Variants in LINGO2 observed in about 807,000 individuals in gnomAD.
LINGO2 encodes the protein leucine-rich repeat and immunoglobulin-like domain-containing nogo receptor-interacting protein 2.
LINGO2 carries 14 observed loss-of-function variants against 30.6 expected under a neutral mutation model. The observed-to-expected ratio is 0.46, with a 90% CI of 0.30 to 0.72. LINGO2 has a LOEUF of 0.72. Ranked by LOEUF, LINGO2 falls within the 30% of genes least tolerant of loss-of-function variation. LINGO2 has a pLI of 0.07. For missense variants in LINGO2, 729 were observed against 751.7 expected (o/e 0.97, Z 0.35); for synonymous variants, 317 against 288.5 (o/e 1.10, Z -1.00).
intron 1 of LINGO2, among the ~76,000 whole-genome samples, chr9:28,541,196 G>T (rs1171907099): frequency 2.0e-5 from 3 of 152,002 alleles, no homozygotes. Context: ...TTCATTCTAT[G>T]TTTAAGATAA....
At chr9:28,039,335 T>C (rs965850403) in intron 4 of LINGO2, among the ~76,000 whole-genome samples, 1 of 152,198 alleles carries the variant, frequency 6.6e-6, no homozygotes, top group Middle Eastern at 3.2e-3. Flanking sequence ...GTTCTATATA[T>C]AAACTAAGTG....
At chr9:28,078,027 T>C (rs1825675739) in intron 4 of LINGO2, among the ~76,000 whole-genome samples, 1 of 149,388 alleles carries the variant, frequency 6.7e-6, no homozygotes, top group African/African-American at 2.6e-5. Flanking sequence ...ACATATCTTT[T>C]TTTGTAAAAC....
At chr9:28,683,286 G>A in the LINGO2 span, among the ~76,000 whole-genome samples, 18 of 152,162 alleles carry the variant, frequency 1.2e-4, no homozygotes, top group Middle Eastern at 6.8e-3. Flanking sequence ...AAGCAAGATA[G>A]ATGAGCCGAA....
At chr9:28,939,306 C>A in the LINGO2 span, among the ~76,000 whole-genome samples, 2 of 152,288 alleles carry the variant, frequency 1.3e-5, no homozygotes, top group Admixed American at 6.5e-5. Flanking sequence ...AGGTTGGAAT[C>A]ATTGCTCACT....
At chr9:28,103,523 GGCCTACTT>G (rs1477351527) in intron 4 of LINGO2, among the ~76,000 whole-genome samples, 20 of 152,094 alleles carry the variant, frequency 1.3e-4, no homozygotes. Flanking sequence ...AAAGACACAT[GGCCTACTT>G]GCCCTCATTG....
At chr9:28,757,028 T>C in the LINGO2 span, among the ~76,000 whole-genome samples, 3 of 152,006 alleles carry the variant, frequency 2.0e-5, no homozygotes, top group Non-Finnish European at 4.4e-5. Flanking sequence ...CAGTGATTAT[T>C]AGTAGGATAT....
the LINGO2 span, among the ~76,000 whole-genome samples, chr9:29,007,107 T>G: frequency 2.0e-5 from 3 of 152,142 alleles, no homozygotes; most frequent in Admixed American, 6.6e-5. Flanking sequence ...CATGAAAACA[T>G]TTCCAGCCAC....
the LINGO2 span, among the ~76,000 whole-genome samples, chr9:28,744,729 T>C: frequency 6.6e-6 from 1 of 150,640 alleles, no homozygotes; most frequent in Non-Finnish European, 1.5e-5. Flanking sequence ...CTCTGCCTCC[T>C]GGATTCAAGA....
chr9:28,135,352 A>T (rs1394005016), intron 4 of LINGO2, among the ~76,000 whole-genome samples: 1 of 152,172 alleles, frequency 6.6e-6, no homozygotes, highest in Admixed American at 6.5e-5. Context: ...AGAGAAGAGA[A>T]AATAAAATGA....
the LINGO2 span, among the ~76,000 whole-genome samples, chr9:29,200,379 T>C: frequency 0.063 from 9,629 of 152,142 alleles, 356 homozygotes; most frequent in Admixed American, 0.087. Context: ...ATTAAATCAG[T>C]AACTATTCAA....
At chr9:28,582,961 T>C (rs918766041) in intron 1 of LINGO2, among the ~76,000 whole-genome samples, 11 of 152,010 alleles carry the variant, frequency 7.2e-5, no homozygotes, top group Non-Finnish European at 1.3e-4. Context: ...AATTTGTGTA[T>C]ATGTGTATAC....
intron 1 of LINGO2, among the ~76,000 whole-genome samples, chr9:28,641,855 C>CA (rs1208396235): frequency 1.3e-5 from 2 of 152,210 alleles, no homozygotes; most frequent in East Asian, 3.9e-4. Context: ...AATAGTGAAG[C>CA]ATGAGACTAA....
intron 1 of LINGO2, among the ~76,000 whole-genome samples, chr9:28,582,348 C>T (rs986097341): frequency 2.6e-5 from 4 of 152,004 alleles, no homozygotes; most frequent in South Asian, 2.1e-4. Context: ...CTAATCAGTT[C>T]GCAAGCTGTA....
chr9:28,047,974 T>C (rs1563941954), intron 4 of LINGO2, among the ~76,000 whole-genome samples: 2 of 150,162 alleles, frequency 1.3e-5, no homozygotes, highest in Non-Finnish European at 1.5e-5. Flanking sequence ...ACAAAAAATA[T>C]GAAAAGTGTG....
At chr9:29,086,071 T>C in the LINGO2 span, among the ~76,000 whole-genome samples, 3 of 152,062 alleles carry the variant, frequency 2.0e-5, no homozygotes, top group South Asian at 2.1e-4. Flanking sequence ...TCATCTCACC[T>C]CCTCATTTCC....
At chr9:28,723,472 C>G in the LINGO2 span, among the ~76,000 whole-genome samples, 1 of 152,056 alleles carries the variant, frequency 6.6e-6, no homozygotes, top group Non-Finnish European at 1.5e-5. Flanking sequence ...CAGGAAAATT[C>G]TATATTCCTT....
intron 4 of LINGO2, among the ~76,000 whole-genome samples, chr9:28,059,865 G>T (rs1563951234): frequency 6.6e-6 from 1 of 151,868 alleles, no homozygotes; most frequent in Non-Finnish European, 1.5e-5. Context: ...CAGATTGCAG[G>T]AGGCCTAAGT....
At chr9:28,152,294 A>G (rs922252205) in intron 4 of LINGO2, among the ~76,000 whole-genome samples, 2 of 150,736 alleles carry the variant, frequency 1.3e-5, no homozygotes, top group Non-Finnish European at 3.0e-5. Flanking sequence ...AGAGCCTGGC[A>G]ACTCTTGTCT....
chr9:29,005,086 A>G, the LINGO2 span, among the ~76,000 whole-genome samples: 2 of 152,020 alleles, frequency 1.3e-5, no homozygotes, highest in Non-Finnish European at 2.9e-5. Flanking sequence ...CATATGTATC[A>G]TAGAGTTATC....
Sources: allele counts gnomAD v4.1 joint callset (sites outside exome capture counted in the v4.1 genomes callset), GRCh38; gene constraint gnomAD v4.1.1; transcripts MANE v1.5; gene names NCBI Gene and HGNC (gene_info 2026-07-23, HGNC 2026-07-21).